The following CCDC30 variants were observed in gnomAD, a reference collection of about 807,000 sequenced individuals.
CCDC30 encodes coiled-coil domain containing 30.
CCDC30 carries 70 observed loss-of-function variants against 100.2 expected under a neutral mutation model. The observed-to-expected ratio is 0.70, with a 90% CI of 0.58 to 0.85. CCDC30 has a LOEUF of 0.85. Among genes scored for constraint, CCDC30 ranks in the 40% least tolerant of loss-of-function variants. CCDC30 has a pLI of 0.00. For missense variants in CCDC30, 652 were observed against 771.2 expected (o/e 0.85, Z 1.83); for synonymous variants, 233 against 269.5 (o/e 0.86, Z 1.33).
At chr1:42,644,613 TG>T in intron 13 of CCDC30, 79 bp from the exon 18 acceptor site, 1 of 799,794 alleles carries the variant, frequency 1.3e-6, no homozygotes, top group Non-Finnish European at 2.1e-6. Flanking sequence ...CCGGGGCCAG[TG>T]GGAAGTGGGA....
chr1:42,484,771 C>G (rs544917827), intron 3 of CCDC30, among the ~76,000 whole-genome samples: 2 of 152,086 alleles, frequency 1.3e-5, no homozygotes, highest in East Asian at 1.9e-4. Context: ...TTCTTTAGCT[C>G]TCTATCACAT....
At chr1:42,480,061 G>T (rs1209649364) in intron 1 of CCDC30, among the ~76,000 whole-genome samples, 2 of 152,096 alleles carry the variant, frequency 1.3e-5, no homozygotes, top group Non-Finnish European at 2.9e-5. Context: ...CTGTGAGACT[G>T]AAAGATGTCA....
intron 12 of CCDC30, among the ~76,000 whole-genome samples, chr1:42,639,088 C>T (rs1008043373): frequency 6.6e-6 from 1 of 152,170 alleles, no homozygotes; most frequent in African/African-American, 2.4e-5. Context: ...GGTTGAATAG[C>T]GTCCCTCAAA....
chr1:42,623,983 A>T (rs1646887022), intron 11 of CCDC30, among the ~76,000 whole-genome samples: 1 of 151,982 alleles, frequency 6.6e-6, no homozygotes. Flanking sequence ...ATTTAATTTT[A>T]TGTCTGGCTA....
At chr1:42,573,333 A>G (rs1645772065) in intron 7 of CCDC30, among the ~76,000 whole-genome samples, 2 of 152,100 alleles carry the variant, frequency 1.3e-5, no homozygotes, top group South Asian at 2.1e-4. Flanking sequence ...TTTCTTATAT[A>G]TCTTTTGTTA....
At position 42,609,935 on chromosome 1, in the gene CCDC30, A is replaced by G. The variant is rs537316200; in HGVS notation, c.1165-1043A>G. On this transcript the variant is annotated intron_variant, in intron 10 of 16. Coordinates refer to ENST00000668663, the Ensembl canonical transcript of CCDC30. ...AATTAGTGCTGTAATTCTGCAGTCCACTTGATATTTGGGATTTGGTTTTTG... is the reference window on the plus strand; with the variant it reads ...AATTAGTGCTGTAATTCTGCAGTCCGCTTGATATTTGGGATTTGGTTTTTG... 8.5e-4 allele frequency among the ~76,000 whole-genome samples: 129 copies of G among 152,300 alleles called. 2 individuals are homozygous for G. The highest frequency in any genetic ancestry group is 3.3e-3 in the Admixed American group (51 of 15,294).
exon 7 of CCDC30, chr1:42,566,352 T>A (rs760717773): frequency 6.2e-7 from 1 of 1,613,954 alleles, no homozygotes; most frequent in Non-Finnish European, 8.5e-7. Context: ...TACAACAACT[T>A]CACCAGAATT....
At chr1:42,530,374 TA>T (rs1158863827) in intron 6 of CCDC30, among the ~76,000 whole-genome samples, 1 of 152,206 alleles carries the variant, frequency 6.6e-6, no homozygotes, top group Non-Finnish European at 1.5e-5. Flanking sequence ...AATTTACAAA[TA>T]AAACTTTATC....
intron 14 of CCDC30, 105 bp downstream of exon 18, chr1:42,644,912 T>C: frequency 1.4e-6 from 1 of 720,608 alleles, no homozygotes; most frequent in Non-Finnish European, 2.4e-6. Context: ...GTAGCTGGGC[T>C]CTTGGCCTCA....
intron 6 of CCDC30, among the ~76,000 whole-genome samples, chr1:42,555,301 C>T (rs1215163756): frequency 1.3e-5 from 2 of 152,122 alleles, no homozygotes; most frequent in Non-Finnish European, 2.9e-5. Context: ...ATACCAACAC[C>T]CACCTTCCCC....
At chr1:42,479,706 TAGTC>T (rs1215141362) in intron 1 of CCDC30, among the ~76,000 whole-genome samples, 2 of 152,104 alleles carry the variant, frequency 1.3e-5, no homozygotes, top group Non-Finnish European at 2.9e-5. Flanking sequence ...AGCAGCTTAT[TAGTC>T]AGATACACTC....
intron 11 of CCDC30, among the ~76,000 whole-genome samples, chr1:42,629,479 A>T (rs776028391): frequency 1.3e-5 from 2 of 151,870 alleles, no homozygotes; most frequent in Non-Finnish European, 2.9e-5. Context: ...TGGAAGTTTG[A>T]TTATTAAATG....
At position 42,584,021 on chromosome 1, in the gene CCDC30, G is replaced by A. The variant is rs186204683; in HGVS notation, c.1001+2507G>A. ...AAGGTGAAGGAGGATTCAAGGGAAGGTGGAGCAGTTGTAGGCCTGGCTGTT... is the reference window on the plus strand; with the variant it reads ...AAGGTGAAGGAGGATTCAAGGGAAGATGGAGCAGTTGTAGGCCTGGCTGTT... On this transcript the variant is annotated intron_variant, in intron 9 of 16. Coordinates refer to ENST00000668663, the Ensembl canonical transcript of CCDC30. 1.3e-4 allele frequency among the ~76,000 whole-genome samples: 20 copies of A among 152,308 alleles called. No individual in the cohort carries two copies. In the East Asian group the frequency reaches 3.9e-3, roughly 29 times the overall value.
At chr1:42,582,059 CA>C (rs770972866) in intron 9 of CCDC30, among the ~76,000 whole-genome samples, 3,820 of 99,078 alleles carry the variant, frequency 0.039, 56 homozygotes, top group African/African-American at 0.056. Flanking sequence ...TTGTCTATAC[CA>C]AAAAAAAAAA....
intron 15 of CCDC30, 139 bp from the exon 20 acceptor site, chr1:42,653,237 A>G: frequency 2.2e-6 from 1 of 460,982 alleles, no homozygotes; most frequent in Non-Finnish European, 3.9e-6. Flanking sequence ...CCAGCTTTTC[A>G]TTCTGTACCC....
chr1:42,481,195 GA>G (rs891641326), intron 2 of CCDC30, among the ~76,000 whole-genome samples: 61 of 151,960 alleles, frequency 4.0e-4, no homozygotes, highest in African/African-American at 1.3e-3. Flanking sequence ...ATTTGAGGAG[GA>G]AAAAATCACT....
At chr1:42,529,249 G>A (rs1266710782) in intron 6 of CCDC30, among the ~76,000 whole-genome samples, 2 of 152,150 alleles carry the variant, frequency 1.3e-5, no homozygotes, top group African/African-American at 2.4e-5. Context: ...CAAGGTGGGC[G>A]GATCATAAGG....
chr1:42,655,722 G>A (rs1177323204), downstream of CCDC30, among the ~76,000 whole-genome samples: 9 of 152,088 alleles, frequency 5.9e-5, no homozygotes, highest in Non-Finnish European at 7.4e-5. Flanking sequence ...CATCTTTAGT[G>A]TAGTGGGACT....
At chr1:42,493,420 T>C (rs1428327243) in intron 4 of CCDC30, among the ~76,000 whole-genome samples, 1 of 151,982 alleles carries the variant, frequency 6.6e-6, no homozygotes, top group East Asian at 1.9e-4. Flanking sequence ...AAACCCCGTG[T>C]CTACTAAAAA....
Sources: allele counts gnomAD v4.1 joint callset (sites outside exome capture counted in the v4.1 genomes callset), GRCh38; gene constraint gnomAD v4.1.1; transcripts MANE v1.5; gene names NCBI Gene and HGNC (gene_info 2026-07-23, HGNC 2026-07-21).